Variants in NAV2 observed in about 807,000 individuals in gnomAD.
NAV2 encodes helicase, APC down-regulated 1.
Under a neutral mutation model 223.2 loss-of-function variants are expected in NAV2, and 54 were observed. The ratio of observed to expected loss-of-function variants is 0.24; its 90% CI spans 0.19 to 0.30. The LOEUF (loss-of-function observed/expected upper bound fraction) is 0.30, where lower values mean the gene tolerates loss of function less well. Ranked by LOEUF, NAV2 falls within the 10% of genes least tolerant of loss-of-function variation. The pLI is 1.00. For synonymous variants in NAV2, 1,279 were observed against 1,239.3 expected (o/e 1.03, Z -0.67); for missense variants, 2,806 against 3,147.5 (o/e 0.89, Z 2.60).
At chr11:19,530,405 C>T (rs1160228390) in intron 1 of NAV2, among the ~76,000 whole-genome samples, 1 of 152,128 alleles carries the variant, frequency 6.6e-6, no homozygotes, top group Non-Finnish European at 1.5e-5. Context: ...TTGGCTATGC[C>T]CTATGTGCTT....
At chr11:19,830,796 A>G (rs995545301) in intron 1 of NAV2, among the ~76,000 whole-genome samples, 1 of 152,026 alleles carries the variant, frequency 6.6e-6, no homozygotes, top group African/African-American at 2.4e-5. Context: ...TTCTTTAATG[A>G]TCTTTTAAAT....
chr11:19,931,364 GTTTTAAAA>G (rs2045318840), intron 6 of NAV2, among the ~76,000 whole-genome samples: 1 of 152,174 alleles, frequency 6.6e-6, no homozygotes, highest in African/African-American at 2.4e-5. Flanking sequence ...AGATATATGT[GTTTTAAAA>G]CATTGGGAGG....
intron 1 of NAV2, among the ~76,000 whole-genome samples, chr11:19,593,780 T>C (rs1023575890): frequency 6.6e-6 from 1 of 152,184 alleles, no homozygotes; most frequent in African/African-American, 2.4e-5. Context: ...ACTTTCCATC[T>C]CCCTAATAGC....
chr11:19,937,494 A>T (rs543369147), intron 7 of NAV2, among the ~76,000 whole-genome samples: 1 of 152,256 alleles, frequency 6.6e-6, no homozygotes, highest in Non-Finnish European at 1.5e-5. Flanking sequence ...TCACTTTATC[A>T]CTTTATAGTT....
intron 1 of NAV2, among the ~76,000 whole-genome samples, chr11:19,586,985 A>T (rs1027909039): frequency 5.3e-5 from 8 of 152,234 alleles, no homozygotes; most frequent in Admixed American, 1.3e-4. Context: ...GGTGGAGTCT[A>T]CAGAGGCAGG....
intron 10 of NAV2, among the ~76,000 whole-genome samples, chr11:19,976,217 T>A (rs1043951770): frequency 6.6e-6 from 1 of 152,102 alleles, no homozygotes; most frequent in Non-Finnish European, 1.5e-5. Context: ...TTTATGGAAA[T>A]GTTGAGTCTG....
At position 20,069,291 on chromosome 11, in the gene NAV2, T is replaced by G. The variant is rs2059244470; in HGVS notation, c.4983+893T>G. 2.0e-5 allele frequency among the ~76,000 whole-genome samples: 3 copies of G among 151,950 alleles called. No homozygotes were observed. The South Asian group carries it at 6.2e-4, about 32-fold the overall frequency. On this transcript the variant is annotated intron_variant, in intron 22 of 37. Transcript: ENST00000349880. Reference sequence around the variant, plus strand: ...TTGAACTCTCAGTAGGTGGGTGTAATTAGTGTCTATGGCTTGGATGTGGAG... The same window carrying G: ...TTGAACTCTCAGTAGGTGGGTGTAAGTAGTGTCTATGGCTTGGATGTGGAG...
intron 6 of NAV2, among the ~76,000 whole-genome samples, chr11:19,904,029 T>C (rs2042660899): frequency 6.6e-6 from 1 of 152,202 alleles, no homozygotes; most frequent in African/African-American, 2.4e-5. Flanking sequence ...GGCAGCCAGC[T>C]GGTGGATTCA....
chr11:19,855,265 G>C (rs768130409), intron 3 of NAV2, among the ~76,000 whole-genome samples: 27 of 152,288 alleles, frequency 1.8e-4, no homozygotes, highest in South Asian at 4.2e-4. Flanking sequence ...TTCAAGAAAG[G>C]AATAATTATC....
intron 1 of NAV2, among the ~76,000 whole-genome samples, chr11:19,356,160 C>G (rs1853602832): frequency 6.6e-6 from 1 of 152,138 alleles, no homozygotes. Flanking sequence ...TTAGGATGGA[C>G]AGTGAGGACC....
chr11:20,099,467 A>G (rs1267583426), intron 31 of NAV2, among the ~76,000 whole-genome samples: 3 of 152,178 alleles, frequency 2.0e-5, no homozygotes, highest in Non-Finnish European at 4.4e-5. Flanking sequence ...TAACAAGATT[A>G]CCTGCCTCTA....
At chr11:20,097,499 A>G (rs2061359593) in intron 30 of NAV2, 78 bp from the exon 31 acceptor site, 1 of 1,164,926 alleles carries the variant, frequency 8.6e-7, no homozygotes, top group South Asian at 1.7e-5. Flanking sequence ...ATGATCATAA[A>G]TCACCCAGGG....
upstream of NAV2, chr11:19,350,704 G>T: frequency 1.9e-6 from 1 of 522,688 alleles, no homozygotes; most frequent in Admixed American, 3.2e-5. Context: ...CAGACCTAAA[G>T]TAAAACCCCA....
At chr11:20,059,880 C>T (rs2058598239) in intron 19 of NAV2, among the ~76,000 whole-genome samples, 1 of 152,214 alleles carries the variant, frequency 6.6e-6, no homozygotes, top group Non-Finnish European at 1.5e-5. Flanking sequence ...CCAAAAATAA[C>T]CACATTGCAC....
In NAV2 at chr11:19,435,216, T is replaced by A. The variant is rs540191829; in HGVS notation, c.75+84189T>A. Among the ~76,000 whole-genome samples, 5 of 152,284 alleles carry A rather than the reference T, an allele frequency of 3.3e-5. No homozygotes were observed. In the South Asian group the frequency reaches 1.0e-3, roughly 32 times the overall value. On this transcript the variant is annotated intron_variant, in intron 1 of 37. Transcript: ENST00000360655. Reference sequence around the variant, plus strand: ...TATCCTCCGACCAATGTCTTGCCTTTCCCTGTCCACCTTTCCCACCCCACC... The same window carrying A: ...TATCCTCCGACCAATGTCTTGCCTTACCCTGTCCACCTTTCCCACCCCACC...
At position 20,044,258 on chromosome 11, in the gene NAV2, A is replaced by G; in HGVS notation, c.3185A>G (p.Lys1062Arg). The G allele has an allele frequency of 3.7e-6, 6 of 1,611,290 alleles. No individual in the cohort carries two copies. The highest frequency in any genetic ancestry group is 5.1e-6 in the Non-Finnish European group (6 of 1,177,896). Reference sequence around the variant, plus strand: ...CCTTCAGCCCCGGCAGGCGCACTGAAGACCCCAGGAACTGGTAAGAGGCCG... The same window carrying G: ...CCTTCAGCCCCGGCAGGCGCACTGAGGACCCCAGGAACTGGTAAGAGGCCG... ...TKPSAPAGAL[K>R]TPGTGKTDDA... The change falls in exon 13 of 38, where the codon AAG (lysine) becomes AGG (arginine). Residue 1062 changes from lysine (K) to arginine (R), a missense_variant. Around this residue, in one of 4 missense-constraint regions of NAV2, gnomAD observed 742 missense variants for 777.9 expected, o/e 0.95. Transcript: ENST00000349880.
At chr11:19,375,820 G>A (rs1296358037) in intron 1 of NAV2, among the ~76,000 whole-genome samples, 1 of 152,030 alleles carries the variant, frequency 6.6e-6, no homozygotes, top group Non-Finnish European at 1.5e-5. Flanking sequence ...TTATCTTCTG[G>A]TGGCGATGGT....
intron 3 of NAV2, 130 bp from the exon 4 acceptor site, chr11:19,868,795 G>T: frequency 1.3e-6 from 1 of 760,940 alleles, no homozygotes; most frequent in Non-Finnish European, 2.1e-6. Context: ...AGACAAAAGA[G>T]AGTGTCCTAT....
At chr11:19,926,101 T>C (rs1211623409) in intron 6 of NAV2, among the ~76,000 whole-genome samples, 15 of 152,066 alleles carry the variant, frequency 9.9e-5, no homozygotes. Flanking sequence ...GATTTCTGTA[T>C]GTCTGGAAAA....
Sources: allele counts gnomAD v4.1 joint callset (sites outside exome capture counted in the v4.1 genomes callset), GRCh38; gene constraint gnomAD v4.1.1; regional missense constraint gnomAD v4.1.1; transcripts MANE v1.5; gene names NCBI Gene and HGNC (gene_info 2026-07-23, HGNC 2026-07-21).